The following HESX1 variants were observed in gnomAD, a reference collection of about 807,000 sequenced individuals.
HESX1 encodes the protein HESX homeobox 1.
Under a neutral mutation model 22.5 loss-of-function variants are expected in HESX1, and 11 were observed. The observed-to-expected ratio is 0.49, with a 90% CI of 0.31 to 0.81. HESX1 has a LOEUF of 0.81. Among genes scored for constraint, HESX1 ranks in the 30% least tolerant of loss-of-function variants. The pLI is 0.05. For synonymous variants in HESX1, 74 were observed against 76.5 expected (o/e 0.97, Z 0.17); for missense variants, 201 against 212.6 (o/e 0.95, Z 0.34).
chr3:57,201,362 T>C (rs1298521431), upstream of HESX1, among the ~76,000 whole-genome samples: 4 of 152,058 alleles, frequency 2.6e-5, no homozygotes, highest in Non-Finnish European at 4.4e-5. Flanking sequence ...AGTGCTGAGA[T>C]GTAGATTGTG....
intron 1 of HESX1, among the ~76,000 whole-genome samples, chr3:57,213,473 A>G (rs2060567004): frequency 6.6e-6 from 1 of 152,200 alleles, no homozygotes; most frequent in Non-Finnish European, 1.5e-5. Context: ...ATTCAAAGAT[A>G]AAATGGTTTT....
At chr3:57,217,801 C>T (rs2060590849) in intron 1 of HESX1, among the ~76,000 whole-genome samples, 1 of 152,080 alleles carries the variant, frequency 6.6e-6, no homozygotes, top group South Asian at 2.1e-4. Flanking sequence ...ATGCAGGTGC[C>T]CTCTTCACCC....
intron 1 of HESX1, among the ~76,000 whole-genome samples, chr3:57,221,598 C>T (rs1448316853): frequency 6.6e-6 from 1 of 152,000 alleles, no homozygotes; most frequent in Non-Finnish European, 1.5e-5. Context: ...ATATGCTATA[C>T]TTCTTATATA....
intron 1 of HESX1, among the ~76,000 whole-genome samples, chr3:57,205,056 A>C (rs532178117): frequency 6.6e-6 from 1 of 152,276 alleles, no homozygotes; most frequent in African/African-American, 2.4e-5. Context: ...TTCTATGAAC[A>C]CAGCAGCCAG....
At chr3:57,200,281 G>C (rs1210576181), upstream of HESX1, among the ~76,000 whole-genome samples, 1 of 152,180 alleles carries the variant, frequency 6.6e-6, no homozygotes, top group Non-Finnish European at 1.5e-5. Flanking sequence ...AATCATTAAT[G>C]TATAAAATCA....
At chr3:57,219,387 A>C (rs2060601950) in intron 1 of HESX1, among the ~76,000 whole-genome samples, 1 of 148,228 alleles carries the variant, frequency 6.7e-6, no homozygotes, top group African/African-American at 2.5e-5. Context: ...TTTTTTTTTG[A>C]GACGGAGTCT....
At chr3:57,210,723 T>C (rs566615113) in intron 1 of HESX1, among the ~76,000 whole-genome samples, 2 of 152,336 alleles carry the variant, frequency 1.3e-5, no homozygotes, top group Middle Eastern at 3.4e-3. Flanking sequence ...AAACCTGACA[T>C]GCAACTTAAA....
chr3:57,213,056 C>CAA (rs1003009567), intron 1 of HESX1, among the ~76,000 whole-genome samples: 2 of 151,930 alleles, frequency 1.3e-5, no homozygotes, highest in African/African-American at 4.8e-5. Context: ...TAGTGTGACA[C>CAA]ACACACACAC....
intron 1 of HESX1, among the ~76,000 whole-genome samples, chr3:57,212,439 G>T (rs1396181088): frequency 7.3e-5 from 11 of 151,622 alleles, no homozygotes; most frequent in African/African-American, 2.7e-4. Context: ...CGTGCCTGTA[G>T]TCCCAACTAC....
chr3:57,220,221 A>G lies in HESX1; in HGVS notation c.-111+6075T>C, dbSNP rs1320378417. The stretch of plus-strand genomic sequence containing the variant: ...ATGTACCTATTTTTGTACCAATACC[A>G]TGCTGTTTTGGTTACTGTAGCCCTG... On this transcript the variant is annotated intron_variant, in intron 1 of 2. Coordinates refer to the HESX1 transcript ENST00000495160. Among the ~76,000 whole-genome samples the G allele has an allele frequency of 2.0e-5, 3 of 152,124 alleles. No homozygotes were observed. In the East Asian group the frequency reaches 5.8e-4, roughly 29 times the overall value.
At position 57,197,957 on chromosome 3, in the gene HESX1, T is replaced by C. The variant is rs1397547744; in HGVS notation, c.*240A>G. 9 of 339,620 alleles carry C rather than the reference T, an allele frequency of 2.7e-5. No homozygotes were observed. The highest frequency in any genetic ancestry group is 4.2e-5 in the Non-Finnish European group (8 of 188,956). 21.0% of individuals were successfully genotyped at this position (339,620 alleles called of 1,614,324 possible). ...AATTTATTAGATTAATTTGGCTTAC[T>C]TAAAAAATAGCAATCTTTTCTGAAA... On this transcript the variant is annotated 3_prime_UTR_variant, in exon 4 of 4. Coordinates refer to ENST00000295934, the MANE Select transcript of HESX1 (RefSeq NM_003865.3).
chr3:57,212,767 C>G (rs373667214), intron 1 of HESX1, among the ~76,000 whole-genome samples: 11 of 152,142 alleles, frequency 7.2e-5, no homozygotes, highest in African/African-American at 2.7e-4. Flanking sequence ...AATACTTTGA[C>G]TTAAATAGGA....
intron 1 of HESX1, among the ~76,000 whole-genome samples, chr3:57,212,594 C>CAAG (rs959486715): frequency 6.1e-5 from 9 of 147,280 alleles, no homozygotes; most frequent in Non-Finnish European, 1.0e-4. Context: ...TATGCTGATC[C>CAAG]AAGTAGCAAA....
In HESX1 at chr3:57,208,601, T is replaced by C. The variant is rs1012245702; in HGVS notation, c.-110-8573A>G. Among the ~76,000 whole-genome samples the C allele has an allele frequency of 8.2e-5, 12 of 146,668 alleles. 1 individual carries two copies. The highest frequency in any genetic ancestry group is 6.8e-3 in the Middle Eastern group (2 of 294). On this transcript the variant is annotated intron_variant, in intron 1 of 2. Coordinates refer to the HESX1 transcript ENST00000495160. ...CTGACCTCAAGTGATCCACCCACCT[T>C]GGCCTCCCAAAGTGCTGAGATTACA... is the stretch of plus-strand genomic sequence containing the variant.
In HESX1 at chr3:57,218,702, C is replaced by A. The variant is rs2060597946; in HGVS notation, c.-111+7594G>T. On this transcript the variant is annotated intron_variant, in intron 1 of 2. Coordinates refer to the HESX1 transcript ENST00000495160. The stretch of plus-strand genomic sequence containing the variant: ...AGGTGATCCGCCTGCCTTGGCCTCC[C>A]AAAGTGCTGGGATTACAAACGTGAG... Among the ~76,000 whole-genome samples, 7 of 152,268 alleles carry A rather than the reference C, an allele frequency of 4.6e-5. No homozygotes were observed. The South Asian group carries it at 1.5e-3, about 32-fold the overall frequency.
chr3:57,214,815 G>A (rs1224328739), intron 1 of HESX1, among the ~76,000 whole-genome samples: 6 of 151,980 alleles, frequency 3.9e-5, no homozygotes, highest in Non-Finnish European at 7.4e-5. Flanking sequence ...CTGTTGAGGG[G>A]AGGAGGAGAA....
At chr3:57,225,881 C>CTTTTTTT (rs540522007) in intron 1 of HESX1, among the ~76,000 whole-genome samples, 18 of 132,122 alleles carry the variant, frequency 1.4e-4, no homozygotes, top group Non-Finnish European at 2.4e-4. Context: ...CTTTTCTTTT[C>CTTTTTTT]TTTTTTTTTT....
intron 1 of HESX1, among the ~76,000 whole-genome samples, chr3:57,221,294 T>C (rs1040286844): frequency 2.0e-5 from 3 of 150,702 alleles, no homozygotes; most frequent in African/African-American, 7.3e-5. Context: ...GCTAGGACCA[T>C]AGGTACACAC....
chr3:57,202,910 T>A (rs955135415), upstream of HESX1, among the ~76,000 whole-genome samples: 1 of 152,140 alleles, frequency 6.6e-6, no homozygotes, highest in African/African-American at 2.4e-5. Flanking sequence ...TCAGAGACAA[T>A]GGCAAGTACA....
Sources: allele counts gnomAD v4.1 joint callset (sites outside exome capture counted in the v4.1 genomes callset), GRCh38; gene constraint gnomAD v4.1.1; transcripts MANE v1.5; gene names NCBI Gene and HGNC (gene_info 2026-07-23, HGNC 2026-07-21).